CDYL2: variants seen among roughly 807,000 people sequenced by gnomAD.
CDYL2 encodes chromodomain Y like 2, also known as chromodomain Y-like protein 2.
Under a neutral mutation model 49.4 loss-of-function variants are expected in CDYL2, and 23 were observed. The observed-to-expected ratio is 0.47, with a 90% CI of 0.34 to 0.66. The LOEUF is 0.66. Ranked by LOEUF, CDYL2 falls within the 30% of genes least tolerant of loss-of-function variation. The probability of loss-of-function intolerance (pLI) is 0.01; values close to 1 mark genes in which losing one functional copy is unlikely to be tolerated. For missense variants in CDYL2, 678 were observed against 656.4 expected, an observed-to-expected ratio of 1.03 and a Z score of -0.36; for synonymous variants, 360 against 268.8, an observed-to-expected ratio of 1.34 and a Z score of -3.32.
At chr16:80,667,060 A>G (rs1050492366) in intron 2 of CDYL2, among the ~76,000 whole-genome samples, 2 of 152,154 alleles carry the variant, frequency 1.3e-5, no homozygotes, top group African/African-American at 4.8e-5. Context: ...TGTGCAAATA[A>G]AAACGGAAAC....
At chr16:80,609,750 C>A (rs1322185657) in intron 5 of CDYL2, among the ~76,000 whole-genome samples, 2 of 152,148 alleles carry the variant, frequency 1.3e-5, no homozygotes, top group African/African-American at 4.8e-5. Context: ...CCTGCAGTGC[C>A]CTCTTTGAAG....
intron 1 of CDYL2, among the ~76,000 whole-genome samples, chr16:80,721,019 C>T (rs1054438704): frequency 6.6e-6 from 1 of 152,036 alleles, no homozygotes; most frequent in Non-Finnish European, 1.5e-5. Context: ...CCTGGAGAGA[C>T]CCTAAGTGCA....
intron 1 of CDYL2, among the ~76,000 whole-genome samples, chr16:80,731,493 C>T (rs1286886263): frequency 1.3e-5 from 2 of 151,970 alleles, no homozygotes; most frequent in African/African-American, 2.4e-5. Context: ...TCAAAGAGCC[C>T]ACCAGGAACC....
chr16:80,705,355 C>A (rs989472193), intron 1 of CDYL2, among the ~76,000 whole-genome samples: 1 of 152,216 alleles, frequency 6.6e-6, no homozygotes, highest in Admixed American at 6.5e-5. Context: ...GAACTATGAG[C>A]GATGCTAGAG....
Position 80,612,526 on chromosome 16 carries a change from G to C in CDYL2, c.1218+100C>G, listed in dbSNP as rs1906644185. 8.1e-7 allele frequency: 1 copy of C among 1,232,728 alleles called. No individual in the cohort carries two copies. The highest frequency in any genetic ancestry group is 1.5e-5 in the South Asian group (1 of 67,778). The allele number at this position is 1,232,728 out of a possible 1,614,324, so 76.4% of individuals were successfully genotyped here. On this transcript the variant is annotated intron_variant, in intron 5 of 6. Coordinates refer to ENST00000570137, the MANE Select transcript of CDYL2 (RefSeq NM_152342.4). This position sits in a 1 kb window ranked among gnomAD's most constrained non-coding sequence, Gnocchi z 5.0. Reference sequence around the variant, plus strand: ...AGGCAGCCAAGCCAATCTGCAGGCTGACAACACCCTCAGGTTTCTAGCCCC... The same window carrying C: ...AGGCAGCCAAGCCAATCTGCAGGCTCACAACACCCTCAGGTTTCTAGCCCC...
Position 80,713,123 on chromosome 16 carries a change from G to A in CDYL2, c.25-27994C>T, listed in dbSNP as rs1289252599. ...AGAGACTGCGTTCCTTGACGGTATG[G>A]CCCATGATCTGCTGCAGTCTATGGC... On this transcript the variant is annotated intron_variant, in intron 1 of 6. Transcript: ENST00000570137. 3.3e-5 allele frequency among the ~76,000 whole-genome samples: 5 copies of A among 152,278 alleles called. No individual in the cohort carries two copies. The East Asian group carries it at 7.7e-4, about 23-fold the overall frequency.
intron 4 of CDYL2, among the ~76,000 whole-genome samples, chr16:80,618,405 G>A (rs1906927580): frequency 1.3e-5 from 2 of 152,236 alleles, no homozygotes; most frequent in African/African-American, 4.8e-5. Flanking sequence ...AATGGGTAGA[G>A]GCTATGGGGA....
chr16:80,792,922 CTT>C (rs1332020732), intron 1 of CDYL2, among the ~76,000 whole-genome samples: 2 of 152,176 alleles, frequency 1.3e-5, no homozygotes, highest in African/African-American at 2.4e-5. Context: ...GCCCAGTTCC[CTT>C]GCCTCAATAT....
chr16:80,781,112 G>A (rs1436682818), intron 1 of CDYL2, among the ~76,000 whole-genome samples: 1 of 152,094 alleles, frequency 6.6e-6, no homozygotes, highest in Admixed American at 6.6e-5. Context: ...TACTTCAATA[G>A]GCTAAAAGTG....
chr16:80,725,167 AACACATACACATACACAT>A (rs112801144), intron 1 of CDYL2, among the ~76,000 whole-genome samples: 5 of 151,174 alleles, frequency 3.3e-5, no homozygotes, highest in African/African-American at 1.2e-4. Flanking sequence ...ACACCTGTGC[AACACATACACATACACAT>A]ACACATACAC....
rs149834815 is a variant in CDYL2 at position 80,797,262 on chromosome 16, C to T, written c.24+6888G>A. Among the ~76,000 whole-genome samples, 3 of 152,308 alleles carry T rather than the reference C, an allele frequency of 2.0e-5. No individual in the cohort carries two copies. The East Asian group carries it at 5.8e-4, about 29-fold the overall frequency. Reference sequence around the variant, plus strand: ...CAACAAACACTCCAAACTCACTGTCCTTTCCACTCCCTCCACTCCCTCCAA... The same window carrying T: ...CAACAAACACTCCAAACTCACTGTCTTTTCCACTCCCTCCACTCCCTCCAA... On this transcript the variant is annotated intron_variant, in intron 1 of 6. Coordinates refer to ENST00000570137, the MANE Select transcript of CDYL2 (RefSeq NM_152342.4).
chr16:80,669,795 A>G (rs11859496), intron 2 of CDYL2, among the ~76,000 whole-genome samples: 91,059 of 152,068 alleles, frequency 0.6, 27,867 homozygotes, highest in Middle Eastern at 0.77. Context: ...GGAGCCTCCA[A>G]AAATGAGCTG....
chr16:80,647,828 T>C (rs1037531896), intron 2 of CDYL2, among the ~76,000 whole-genome samples: 6 of 152,182 alleles, frequency 3.9e-5, no homozygotes, highest in African/African-American at 1.2e-4. Flanking sequence ...TCAAGCATCT[T>C]CTTCTCTAAC....
At chr16:80,710,810 T>A (rs1352308964) in intron 1 of CDYL2, among the ~76,000 whole-genome samples, 1 of 152,204 alleles carries the variant, frequency 6.6e-6, no homozygotes, top group African/African-American at 2.4e-5. Flanking sequence ...CACCAAGAAG[T>A]GTTTTGAATA....
At chr16:80,673,721 T>C (rs7192094) in intron 2 of CDYL2, among the ~76,000 whole-genome samples, 73,550 of 152,058 alleles carry the variant, frequency 0.48, 20,236 homozygotes, top group Middle Eastern at 0.69. Flanking sequence ...AAAGATCTCA[T>C]ATCCTAATCC....
chr16:80,666,552 A>C (rs1227608261), intron 2 of CDYL2, among the ~76,000 whole-genome samples: 2 of 152,186 alleles, frequency 1.3e-5, no homozygotes, highest in African/African-American at 4.8e-5. Context: ...AGAGGAACAC[A>C]GCAAGCAGGG....
chr16:80,648,152 A>G (rs565719659), intron 2 of CDYL2, among the ~76,000 whole-genome samples: 1 of 152,278 alleles, frequency 6.6e-6, no homozygotes, highest in Non-Finnish European at 1.5e-5. Context: ...GAAAAAAATA[A>G]TAAAGATCAG....
intron 1 of CDYL2, among the ~76,000 whole-genome samples, chr16:80,742,548 G>A (rs1366700452): frequency 6.6e-6 from 1 of 151,702 alleles, no homozygotes; most frequent in East Asian, 1.9e-4. Context: ...AAGAGTAGGT[G>A]GGTTGGGATG....
chr16:80,786,179 C>T (rs556950915), intron 1 of CDYL2, among the ~76,000 whole-genome samples: 333 of 152,300 alleles, frequency 2.2e-3, no homozygotes, highest in Non-Finnish European at 3.4e-3. Flanking sequence ...AACAGGCAAC[C>T]TACACAATGG....
Sources: gnomAD v4.1 joint callset for allele counts (sites outside exome capture counted in the v4.1 genomes callset) on GRCh38, gnomAD v4.1.1 for gene constraint, Gnocchi (gnomAD v3.1) non-coding constraint, MANE v1.5 for transcripts, NCBI Gene and HGNC (gene_info 2026-07-23, HGNC 2026-07-21) for gene names.